TENM3: variants seen among roughly 807,000 people sequenced by gnomAD.
The protein encoded by TENM3 is teneurin-3.
A neutral mutation model predicts 255.1 loss-of-function variants in TENM3; 63 were observed. That is an observed-to-expected ratio of 0.25 (90% CI 0.20 to 0.30). The LOEUF (loss-of-function observed/expected upper bound fraction) is 0.30, where lower values mean the gene tolerates loss of function less well. TENM3 is among the 10% of genes least tolerant of loss of function. The pLI, the probability that TENM3 is intolerant of heterozygous loss-of-function variation, is 1.00. For missense variants in TENM3, 2,929 were observed against 3,461.1 expected, an observed-to-expected ratio of 0.85 and a Z score of 3.86; for synonymous variants, 1,306 against 1,322.3, an observed-to-expected ratio of 0.99 and a Z score of 0.27.
chr4:181,531,734 G>T, the TENM3 span, among the ~76,000 whole-genome samples: 1 of 152,192 alleles, frequency 6.6e-6, no homozygotes, highest in African/African-American at 2.4e-5. Context: ...AATATAAAAC[G>T]CAAGATCTAA....
chr4:182,800,146 C>T lies in TENM3; in HGVS notation c.7895C>T (p.Ala2632Val), dbSNP rs770491947. ...GCGCGGCAGCGCGCGCTCGCCCGGG[C>T]CTGGGCGCGCGAGCAGCAGCGCGTG... ...EQARQRALAR[A>V]WAREQQRVRD... The change falls in exon 28 of 28, where the codon GCC becomes GTC. Residue 2632 changes from alanine to valine, a missense_variant. By Grantham distance (64) the Ala-to-Val change is moderately conservative. Coordinates refer to ENST00000511685, the MANE Select transcript of TENM3 (RefSeq NM_001080477.4). 56 of 1,451,140 alleles carry T rather than the reference C, an allele frequency of 3.9e-5. No individual in the cohort carries two copies. Among genetic ancestry groups the T allele is most frequent in the South Asian group, 9.9e-5 (7 of 71,014 alleles). 89.9% of individuals were successfully genotyped at this position (1,451,140 alleles called of 1,614,324 possible).
At chr4:182,683,187 A>T (rs1756306241) in intron 11 of TENM3, among the ~76,000 whole-genome samples, 1 of 151,992 alleles carries the variant, frequency 6.6e-6, no homozygotes, top group African/African-American at 2.4e-5. Context: ...TATATGCCTC[A>T]GTTTACTCAT....
the TENM3 span, among the ~76,000 whole-genome samples, chr4:181,646,411 A>G: frequency 6.6e-6 from 1 of 152,150 alleles, no homozygotes; most frequent in African/African-American, 2.4e-5. Flanking sequence ...AAAAGTCAAA[A>G]CAAGAGGAAG....
the TENM3 span, among the ~76,000 whole-genome samples, chr4:182,062,489 T>A: frequency 6.6e-6 from 1 of 152,238 alleles, no homozygotes; most frequent in African/African-American, 2.4e-5. Context: ...ATGACTGAAA[T>A]ATCTATGCAT....
chr4:182,333,032 A>T (rs976896581), intron 2 of TENM3, among the ~76,000 whole-genome samples: 1 of 152,218 alleles, frequency 6.6e-6, no homozygotes, highest in African/African-American at 2.4e-5. Flanking sequence ...ACTTGTCAAC[A>T]CCAATTATTT....
chr4:181,954,004 G>A, the TENM3 span, among the ~76,000 whole-genome samples: 1 of 152,138 alleles, frequency 6.6e-6, no homozygotes. Flanking sequence ...GGCACAACTA[G>A]CGGCTTCTGT....
In TENM3 at chr4:182,801,446, A is replaced by C. The variant is rs960336611; in HGVS notation, c.*1095A>C. On this transcript the variant is annotated 3_prime_UTR_variant, in exon 28 of 28. Transcript: ENST00000511685. Reference sequence around the variant, plus strand: ...AATGTAAGGGAAGAAGATTGAAAAAACGGGAGGAAGGGTTCTCTGGCCCTC... The same window carrying C: ...AATGTAAGGGAAGAAGATTGAAAAACCGGGAGGAAGGGTTCTCTGGCCCTC... 5.9e-5 allele frequency: 9 copies of C among 152,176 alleles called. No individual in the cohort carries two copies. The highest frequency in any genetic ancestry group is 2.2e-4 in the African/African-American group (9 of 41,426). The allele number at this position is 152,176 out of a possible 1,614,324, so 9.4% of individuals were successfully genotyped here.
the TENM3 span, among the ~76,000 whole-genome samples, chr4:181,693,217 T>C: frequency 3.3e-5 from 5 of 152,230 alleles, no homozygotes; most frequent in African/African-American, 1.2e-4. Flanking sequence ...AGAAGTGCAC[T>C]GTACTTAAGA....
At chr4:182,019,907 C>A in the TENM3 span, among the ~76,000 whole-genome samples, 6 of 152,014 alleles carry the variant, frequency 3.9e-5, no homozygotes, top group Admixed American at 6.5e-5. Context: ...TTCAGTCAAG[C>A]AATCTGATCC....
chr4:181,767,071 G>T, the TENM3 span, among the ~76,000 whole-genome samples: 37,228 of 106,954 alleles, frequency 0.35, 7,260 homozygotes, highest in East Asian at 0.49. Context: ...GCTAACAAGG[G>T]GAAATCCCGT....
At chr4:181,561,013 C>T in the TENM3 span, among the ~76,000 whole-genome samples, 8 of 152,092 alleles carry the variant, frequency 5.3e-5, no homozygotes, top group East Asian at 7.7e-4. Context: ...AGTGCAGTGA[C>T]GCGATTTCAA....
chr4:181,623,718 A>G, the TENM3 span, among the ~76,000 whole-genome samples: 5 of 152,224 alleles, frequency 3.3e-5, no homozygotes, highest in African/African-American at 1.2e-4. Flanking sequence ...CAGTTGTTAT[A>G]TTCATTGGAA....
At chr4:181,708,067 T>A in the TENM3 span, among the ~76,000 whole-genome samples, 1 of 152,200 alleles carries the variant, frequency 6.6e-6, no homozygotes, top group South Asian at 2.1e-4. Flanking sequence ...ATTTTACTTT[T>A]CATTTCATTC....
At chr4:181,884,645 G>A in the TENM3 span, among the ~76,000 whole-genome samples, 2 of 151,982 alleles carry the variant, frequency 1.3e-5, no homozygotes, top group South Asian at 2.1e-4. Flanking sequence ...TATCTCTTTC[G>A]ATGGCTGGAT....
chr4:181,773,963 A>C, the TENM3 span, among the ~76,000 whole-genome samples: 1 of 149,486 alleles, frequency 6.7e-6, no homozygotes, highest in Admixed American at 6.6e-5. Context: ...ACTTAGCTAT[A>C]ACTTGTTAAT....
the TENM3 span, among the ~76,000 whole-genome samples, chr4:181,455,059 T>A: frequency 6.6e-6 from 1 of 152,014 alleles, no homozygotes; most frequent in Non-Finnish European, 1.5e-5. Context: ...AAATCTTGTA[T>A]CCCCCTCACC....
At chr4:181,928,505 A>C in the TENM3 span, among the ~76,000 whole-genome samples, 60 of 152,012 alleles carry the variant, frequency 3.9e-4, no homozygotes, top group East Asian at 4.7e-3. Flanking sequence ...GGAAAGAACA[A>C]CACCACCAAG....
chr4:181,908,690 G>A, the TENM3 span, among the ~76,000 whole-genome samples: 12 of 152,042 alleles, frequency 7.9e-5, no homozygotes, highest in African/African-American at 1.9e-4. Flanking sequence ...ATTTTTATTC[G>A]CCCTGTGCAT....
chr4:182,121,371 T>A, the TENM3 span, among the ~76,000 whole-genome samples: 1 of 152,188 alleles, frequency 6.6e-6, no homozygotes, highest in African/African-American at 2.4e-5. Context: ...CAGGTGTAGA[T>A]ATAATGAGAG....
Sources: allele counts gnomAD v4.1 joint callset (sites outside exome capture counted in the v4.1 genomes callset), GRCh38; gene constraint gnomAD v4.1.1; transcripts MANE v1.5; gene names NCBI Gene and HGNC (gene_info 2026-07-23, HGNC 2026-07-21).